CDH18: variants seen among roughly 807,000 people sequenced by gnomAD.
CDH18 encodes the protein cadherin 18, also known as cadherin-18.
Under a neutral mutation model 67.9 loss-of-function variants are expected in CDH18, and 31 were observed. The observed-to-expected ratio is 0.46, with a 90% CI of 0.34 to 0.62. CDH18 has a LOEUF of 0.62. Ranked by LOEUF, CDH18 falls within the 20% of genes least tolerant of loss-of-function variation. The probability of loss-of-function intolerance (pLI) is 0.01; values close to 1 mark genes in which losing one functional copy is unlikely to be tolerated. For synonymous variants in CDH18, 362 were observed against 347.2 expected, an observed-to-expected ratio of 1.04 and a Z score of -0.48; for missense variants, 890 against 975.5, an observed-to-expected ratio of 0.91 and a Z score of 1.17.
intron 2 of CDH18, among the ~76,000 whole-genome samples, chr5:19,998,423 G>C (rs1736181276): frequency 6.6e-6 from 1 of 152,162 alleles, no homozygotes; most frequent in Non-Finnish European, 1.5e-5. Context: ...TATCGTCAGG[G>C]AGGGCACTGT....
intron 2 of CDH18, among the ~76,000 whole-genome samples, chr5:19,913,108 A>G (rs1317653467): frequency 1.3e-5 from 2 of 152,160 alleles, no homozygotes; most frequent in African/African-American, 4.8e-5. Context: ...ATTTTTTAAA[A>G]GCAAAAATTG....
intron 3 of CDH18, among the ~76,000 whole-genome samples, chr5:19,785,154 C>A (rs1296030348): frequency 3.3e-5 from 5 of 152,046 alleles, no homozygotes; most frequent in Non-Finnish European, 5.9e-5. Flanking sequence ...TGAACGTAAA[C>A]CTCTTTAAAT....
chr5:20,254,679 A>T (rs1419027069), intron 2 of CDH18, among the ~76,000 whole-genome samples: 1 of 152,222 alleles, frequency 6.6e-6, no homozygotes, highest in Non-Finnish European at 1.5e-5. Context: ...AATGTAAATT[A>T]TGTTCAGCCA....
In CDH18 at chr5:19,512,116, C is replaced by A. The variant is rs988319650; in HGVS notation, c.1512+8541G>T. On this transcript the variant is annotated intron_variant, in intron 10 of 12. Transcript: ENST00000382275. ...CCATTGCTTCAGAGAAAATAAGTAT[C>A]AATTAAGCCAAGAGCAAGGGCTGGG... Among the ~76,000 whole-genome samples the A allele has an allele frequency of 2.6e-5, 4 of 152,248 alleles. No individual in the cohort carries two copies. The East Asian group carries it at 7.8e-4, about 30-fold the overall frequency.
intron 1 of CDH18, among the ~76,000 whole-genome samples, chr5:20,540,729 AGG>A (rs1757007220): frequency 1.3e-5 from 2 of 152,242 alleles, no homozygotes; most frequent in South Asian, 2.1e-4. Context: ...ACGAATATTT[AGG>A]ATCACCAGTA....
intron 3 of CDH18, among the ~76,000 whole-genome samples, chr5:19,751,840 T>C (rs946705357): frequency 2.0e-5 from 3 of 152,230 alleles, no homozygotes; most frequent in Non-Finnish European, 2.9e-5. Context: ...GAGTCAGGAC[T>C]GGATTGCAGC....
At chr5:19,514,884 C>T (rs1337395296) in intron 10 of CDH18, among the ~76,000 whole-genome samples, 1 of 152,138 alleles carries the variant, frequency 6.6e-6, no homozygotes, top group Admixed American at 6.5e-5. Context: ...GCTTTTGTTG[C>T]CATTGCTTTT....
intron 1 of CDH18, among the ~76,000 whole-genome samples, chr5:20,550,427 A>C (rs1039475513): frequency 6.6e-6 from 1 of 152,238 alleles, no homozygotes; most frequent in Non-Finnish European, 1.5e-5. Context: ...TAAAAATAAT[A>C]AACGAAAGTT....
intron 1 of CDH18, among the ~76,000 whole-genome samples, chr5:20,262,598 C>G (rs1418057633): frequency 2.0e-5 from 3 of 152,038 alleles, no homozygotes; most frequent in African/African-American, 7.2e-5. Flanking sequence ...GTGTTCGAGG[C>G]TGAAACTATT....
At chr5:19,907,221 C>G (rs562547096) in intron 2 of CDH18, among the ~76,000 whole-genome samples, 1 of 151,486 alleles carries the variant, frequency 6.6e-6, no homozygotes, top group South Asian at 2.1e-4. Context: ...CTATCAAACC[C>G]GTGTCTGTAG....
At chr5:20,080,241 CT>C (rs562017014) in intron 2 of CDH18, among the ~76,000 whole-genome samples, 1 of 152,008 alleles carries the variant, frequency 6.6e-6, no homozygotes, top group East Asian at 1.9e-4. Flanking sequence ...ACTTATTATC[CT>C]TTTTTTATTA....
At chr5:20,367,844 T>C (rs1282374701) in intron 1 of CDH18, among the ~76,000 whole-genome samples, 4 of 152,216 alleles carry the variant, frequency 2.6e-5, no homozygotes, top group Non-Finnish European at 5.9e-5. Context: ...TGTATTTGTT[T>C]TACTTCCACA....
At chr5:20,174,566 T>C (rs1002860802) in intron 2 of CDH18, among the ~76,000 whole-genome samples, 4 of 152,178 alleles carry the variant, frequency 2.6e-5, no homozygotes, top group African/African-American at 9.6e-5. Context: ...ACAACAAATG[T>C]TAACCTAGTC....
At position 20,516,589 on chromosome 5, in the gene CDH18, A is replaced by G. The variant is rs112302481; in HGVS notation, c.-580+58873T>C. Among the ~76,000 whole-genome samples, 1,034 of 152,060 alleles carry G rather than the reference A, an allele frequency of 6.8e-3. 16 individuals are homozygous for G. Among genetic ancestry groups the G allele is most frequent in the African/African-American group, 0.024 (988 of 41,544 alleles). Reference sequence around the variant, plus strand: ...CAAGCAGTATCTGGGATAAGAATGCAGCACAGAGAAATTAGAAAAAGTAGA... The same window carrying G: ...CAAGCAGTATCTGGGATAAGAATGCGGCACAGAGAAATTAGAAAAAGTAGA... On this transcript the variant is annotated intron_variant, in intron 1 of 14. Transcript: ENST00000507958.
intron 2 of CDH18, among the ~76,000 whole-genome samples, chr5:20,151,389 T>C (rs548766631): frequency 1.3e-5 from 2 of 152,288 alleles, no homozygotes; most frequent in South Asian, 2.1e-4. Context: ...CAATTTGCCA[T>C]TGATGGGCAC....
At chr5:19,871,600 A>C (rs1251363341) in intron 2 of CDH18, among the ~76,000 whole-genome samples, 1 of 152,104 alleles carries the variant, frequency 6.6e-6, no homozygotes, top group Admixed American at 6.6e-5. Flanking sequence ...ATGAAAAGCT[A>C]TTTTGGGTTT....
At chr5:19,861,567 A>C (rs990732641) in intron 2 of CDH18, among the ~76,000 whole-genome samples, 3 of 152,210 alleles carry the variant, frequency 2.0e-5, no homozygotes, top group African/African-American at 7.2e-5. Flanking sequence ...AAGAGGGACA[A>C]AGGCAGAAAT....
intron 1 of CDH18, among the ~76,000 whole-genome samples, chr5:20,358,978 G>A (rs1220174869): frequency 6.8e-6 from 1 of 146,018 alleles, no homozygotes; most frequent in Non-Finnish European, 1.5e-5. Flanking sequence ...TGTTGCCCTG[G>A]CTGGAGTGCA....
At chr5:20,475,694 C>A (rs1752390578) in intron 1 of CDH18, among the ~76,000 whole-genome samples, 1 of 152,110 alleles carries the variant, frequency 6.6e-6, no homozygotes, top group Admixed American at 6.5e-5. Flanking sequence ...ACTTACATAA[C>A]AATTCTTATT....
Sources: gnomAD v4.1 joint callset for allele counts (sites outside exome capture counted in the v4.1 genomes callset) on GRCh38, gnomAD v4.1.1 for gene constraint, MANE v1.5 for transcripts, NCBI Gene and HGNC (gene_info 2026-07-23, HGNC 2026-07-21) for gene names.